CDH18: variants seen among roughly 807,000 people sequenced by gnomAD.
CDH18 encodes the protein cadherin 18.
A neutral mutation model predicts 67.9 loss-of-function variants in CDH18; 31 were observed. The ratio of observed to expected loss-of-function variants is 0.46; its 90% CI spans 0.34 to 0.62. The LOEUF (loss-of-function observed/expected upper bound fraction) is 0.62. CDH18 is among the 20% of genes least tolerant of loss of function. The probability of loss-of-function intolerance (pLI) is 0.01; values close to 1 mark genes in which losing one functional copy is unlikely to be tolerated. For missense variants in CDH18, 890 were observed against 975.5 expected (o/e 0.91, Z 1.17); for synonymous variants, 362 against 347.2 (o/e 1.04, Z -0.48).
intron 1 of CDH18, among the ~76,000 whole-genome samples, chr5:20,454,601 C>T (rs1280148786): frequency 6.6e-6 from 1 of 151,994 alleles, no homozygotes; most frequent in African/African-American, 2.4e-5. Flanking sequence ...GGACTTTATC[C>T]TTCTTTATCC....
intron 2 of CDH18, among the ~76,000 whole-genome samples, chr5:20,019,323 G>A (rs1307739147): frequency 6.6e-6 from 1 of 152,108 alleles, no homozygotes; most frequent in Non-Finnish European, 1.5e-5. Context: ...AATGAGATCT[G>A]CATACTTTTT....
At chr5:20,373,880 G>C (rs926873889) in intron 1 of CDH18, among the ~76,000 whole-genome samples, 2 of 152,064 alleles carry the variant, frequency 1.3e-5, no homozygotes, top group Non-Finnish European at 2.9e-5. Context: ...ATACCAAAAA[G>C]AGATTGGGAT....
At chr5:19,489,423 A>AT (rs570034624) in intron 11 of CDH18, among the ~76,000 whole-genome samples, 49 of 151,662 alleles carry the variant, frequency 3.2e-4, no homozygotes, top group Admixed American at 2.4e-3. Flanking sequence ...AATGTTTTGT[A>AT]TTTTTAGTAG....
At chr5:19,782,069 C>A (rs887931799) in intron 3 of CDH18, among the ~76,000 whole-genome samples, 1 of 151,886 alleles carries the variant, frequency 6.6e-6, no homozygotes, top group Non-Finnish European at 1.5e-5. Context: ...TAAAAAAAAG[C>A]AAACACACCT....
intron 3 of CDH18, among the ~76,000 whole-genome samples, chr5:19,829,816 A>C (rs748982948): frequency 4.6e-5 from 7 of 152,214 alleles, no homozygotes; most frequent in Admixed American, 1.3e-4. Flanking sequence ...CCAAAACAAC[A>C]TGGTACAAGT....
At chr5:19,599,357 T>A (rs924652701) in intron 6 of CDH18, among the ~76,000 whole-genome samples, 1 of 152,178 alleles carries the variant, frequency 6.6e-6, no homozygotes, top group African/African-American at 2.4e-5. Context: ...TCATTTAACA[T>A]GTATTTTCAA....
chr5:19,936,884 GTAA>G lies in CDH18; in HGVS notation c.-257+44173_-257+44175del, dbSNP rs530725028. Among the ~76,000 whole-genome samples the G allele has an allele frequency of 2.1e-3, 315 of 151,084 alleles. 2 individuals are homozygous for G. The highest frequency in any genetic ancestry group is 7.0e-3 in the African/African-American group (291 of 41,414). On this transcript the variant is annotated intron_variant, in intron 2 of 12. Transcript: ENST00000382275. The stretch of plus-strand genomic sequence containing the variant: ...AAATAGGTTAGAAATGAATATAGAT[GTAA>G]TAATATTATACATATAGATACAGAT...
intron 2 of CDH18, among the ~76,000 whole-genome samples, chr5:19,856,654 T>C (rs142016140): frequency 6.6e-6 from 1 of 151,992 alleles, no homozygotes; most frequent in East Asian, 1.9e-4. Flanking sequence ...TACTTCAATC[T>C]GATGAGTGTT....
chr5:19,571,934 ATAAT>A, intron 7 of CDH18, 102 bp from the exon 8 acceptor site: 1 of 887,326 alleles, frequency 1.1e-6, no homozygotes, highest in Non-Finnish European at 1.7e-6. Context: ...TTAGAATAAA[ATAAT>A]TGAGAGAGAG....
At chr5:19,512,841 T>C (rs1320578464) in intron 10 of CDH18, among the ~76,000 whole-genome samples, 1 of 152,084 alleles carries the variant, frequency 6.6e-6, no homozygotes, top group African/African-American at 2.4e-5. Context: ...ATTATATCTA[T>C]GATCGTGCAG....
intron 2 of CDH18, among the ~76,000 whole-genome samples, chr5:20,182,432 G>T (rs535969536): frequency 6.6e-6 from 1 of 151,366 alleles, no homozygotes; most frequent in Non-Finnish European, 1.5e-5. Flanking sequence ...GAGAAACCCC[G>T]TCTCTACTAA....
chr5:20,152,486 T>C (rs1424609251), intron 2 of CDH18, among the ~76,000 whole-genome samples: 1 of 151,784 alleles, frequency 6.6e-6, no homozygotes, highest in East Asian at 1.9e-4. Flanking sequence ...ATATCTCTCT[T>C]ATGCTTGCAG....
At chr5:20,495,197 C>A (rs1209937817) in intron 1 of CDH18, among the ~76,000 whole-genome samples, 1 of 152,008 alleles carries the variant, frequency 6.6e-6, no homozygotes, top group Non-Finnish European at 1.5e-5. Flanking sequence ...CATTCTCTTC[C>A]AATCTGAAAG....
intron 2 of CDH18, among the ~76,000 whole-genome samples, chr5:20,095,521 G>C (rs1224027039): frequency 7.4e-6 from 1 of 135,172 alleles, no homozygotes; most frequent in African/African-American, 2.8e-5. Context: ...ATGGAAGGAA[G>C]GAAGGAAGGA....
chr5:20,423,839 C>T (rs1488873860), intron 1 of CDH18, among the ~76,000 whole-genome samples: 9 of 144,398 alleles, frequency 6.2e-5, no homozygotes, highest in South Asian at 2.2e-4. Flanking sequence ...CCCAGCTACT[C>T]GGGAGGCTGA....
intron 2 of CDH18, among the ~76,000 whole-genome samples, chr5:20,219,838 A>T (rs1741082703): frequency 6.6e-6 from 1 of 151,894 alleles, no homozygotes; most frequent in Admixed American, 6.6e-5. Context: ...AACACAATAA[A>T]AGTCACATAT....
chr5:19,932,886 T>C (rs1052773197), intron 2 of CDH18, among the ~76,000 whole-genome samples: 1 of 151,700 alleles, frequency 6.6e-6, no homozygotes, highest in African/African-American at 2.4e-5. Flanking sequence ...TCCATGTATC[T>C]GTACATACAA....
At chr5:20,568,082 C>T (rs1581212744) in intron 1 of CDH18, among the ~76,000 whole-genome samples, 1 of 152,288 alleles carries the variant, frequency 6.6e-6, no homozygotes, top group East Asian at 1.9e-4. Context: ...TCTAGAACCT[C>T]ATTGAACCTG....
At chr5:19,741,481 C>T (rs761078537) in intron 4 of CDH18, among the ~76,000 whole-genome samples, 18 of 151,784 alleles carry the variant, frequency 1.2e-4, no homozygotes, top group South Asian at 2.1e-4. Flanking sequence ...CAAGTAGCCA[C>T]GCCATTACTC....
Sources: gnomAD v4.1 joint callset for allele counts (sites outside exome capture counted in the v4.1 genomes callset) on GRCh38, gnomAD v4.1.1 for gene constraint, MANE v1.5 for transcripts, NCBI Gene and HGNC (gene_info 2026-07-23, HGNC 2026-07-21) for gene names.